NUP160: variants seen among roughly 807,000 people sequenced by gnomAD.
NUP160 encodes the protein nucleoporin 160.
NUP160 carries 94 observed loss-of-function variants against 196.9 expected under a neutral mutation model. The observed-to-expected ratio is 0.48, with a 90% CI of 0.40 to 0.57. The LOEUF is 0.57. Among genes scored for constraint, NUP160 ranks in the 20% least tolerant of loss-of-function variants. The pLI, the probability that NUP160 is intolerant of heterozygous loss-of-function variation, is 0.00. For synonymous variants in NUP160, 605 were observed against 619.7 expected, an observed-to-expected ratio of 0.98 and a Z score of 0.35; for missense variants, 1,638 against 1,748.3, an observed-to-expected ratio of 0.94 and a Z score of 1.13.
In NUP160 at chr11:47,779,269, A is replaced by T. The variant is rs534106233; in HGVS notation, c.4222-75T>A. 15 of 942,456 alleles carry T rather than the reference A, an allele frequency of 1.6e-5. No homozygotes were observed. In the East Asian group the frequency reaches 3.2e-4, roughly 20 times the overall value. The allele number at this position is 942,456 out of a possible 1,614,324, so 58.4% of individuals were successfully genotyped here. ...AATATTGAAGTTATTAATAACTTTG[A>T]CTTCACCAAGTAGATTCCACCTTAT... On this transcript the variant is annotated intron_variant, in intron 35 of 35. Coordinates refer to ENST00000378460, the Ensembl canonical transcript of NUP160.
chr11:47,823,061 T>G (rs1851896970), intron 7 of NUP160, among the ~76,000 whole-genome samples: 1 of 152,184 alleles, frequency 6.6e-6, no homozygotes, highest in Non-Finnish European at 1.5e-5. Context: ...GCAGCATGAT[T>G]TATAATCCTT....
exon 27 of NUP160, chr11:47,797,823 T>C (rs1790366451): frequency 6.2e-7 from 1 of 1,613,156 alleles, no homozygotes; most frequent in South Asian, 1.1e-5. Flanking sequence ...ATACAGAAGT[T>C]CATAGTAATT....
intron 32 of NUP160, among the ~76,000 whole-genome samples, chr11:47,785,841 T>C (rs1255497716): frequency 6.6e-6 from 1 of 152,242 alleles, no homozygotes; most frequent in Non-Finnish European, 1.5e-5. Flanking sequence ...TTCCAAATTC[T>C]AAAGTGCTAT....
At chr11:47,821,240 AAC>A (rs1565202036) in intron 9 of NUP160, 1 of 152,172 alleles carries the variant, frequency 6.6e-6, no homozygotes, top group African/African-American at 2.4e-5. Context: ...TGTAAAAAAT[AAC>A]ACAAAATGCA....
chr11:47,839,883 C>A, exon 4 of NUP160: 14 of 1,614,092 alleles, frequency 8.7e-6, no homozygotes, highest in Non-Finnish European at 1.2e-5. Context: ...CAAAGATTCC[C>A]CCAGAAGCAC....
chr11:47,788,124 G>C, intron 31 of NUP160, 58 bp downstream of exon 31: 1 of 1,441,986 alleles, frequency 6.9e-7, no homozygotes, highest in South Asian at 1.2e-5. Context: ...TTCACACTGA[G>C]CAAGAGGATA....
intron 29 of NUP160, among the ~76,000 whole-genome samples, chr11:47,790,102 C>T (rs1178705511): frequency 6.6e-6 from 1 of 151,808 alleles, no homozygotes; most frequent in Non-Finnish European, 1.5e-5. Context: ...TGCGCCACCA[C>T]GCCCAGCTAA....
intron 34 of NUP160, 149 bp downstream of exon 34, chr11:47,782,924 G>C: frequency 1.4e-6 from 1 of 690,194 alleles, no homozygotes; most frequent in Non-Finnish European, 2.4e-6. Flanking sequence ...CTCCCAAAGT[G>C]CTGGGATTAT....
At chr11:47,799,464 G>A (rs1443360544) in intron 23 of NUP160, among the ~76,000 whole-genome samples, 3 of 152,000 alleles carry the variant, frequency 2.0e-5, no homozygotes, top group Non-Finnish European at 4.4e-5. Flanking sequence ...TCTCATATAC[G>A]TGCAATTCTC....
At chr11:47,801,837 T>C (rs2097674339) in exon 23 of NUP160, 1 of 1,613,414 alleles carries the variant, frequency 6.2e-7, no homozygotes, top group East Asian at 2.2e-5. Flanking sequence ...AGCCTGGGGG[T>C]AGACACGATC....
At chr11:47,807,210 T>G in intron 18 of NUP160, 70 bp from the exon 19 acceptor site, 2 of 918,382 alleles carry the variant, frequency 2.2e-6, no homozygotes, top group South Asian at 2.9e-5. Context: ...CAAGCTCTTC[T>G]ACGAAGAACA....
exon 2 of NUP160, chr11:47,847,890 C>T: frequency 6.2e-7 from 1 of 1,614,134 alleles, no homozygotes; most frequent in Non-Finnish European, 8.5e-7. Context: ...CAACTTGCCA[C>T]TCTCCACGTA....
At position 47,839,471 on chromosome 11, in the gene NUP160, A is replaced by G. The variant is rs530951756; in HGVS notation, c.748+372T>C. The G allele has an allele frequency of 1.2e-4, 29 of 234,270 alleles. No individual in the cohort carries two copies. In the South Asian group the frequency reaches 1.7e-3, roughly 14 times the overall value. The allele number at this position is 234,270 out of a possible 1,614,324, so 14.5% of individuals were successfully genotyped here. On this transcript the variant is annotated intron_variant, in intron 4 of 35. Coordinates refer to ENST00000378460, the Ensembl canonical transcript of NUP160. ...GATCTGGGGAGATATATAGAAAGCT[A>G]ATACAATAATCCAGGCAAGACACAG...
In NUP160 at chr11:47,835,659, G is replaced by A. The variant is rs1475321521; in HGVS notation, c.1093C>T (p.Arg365Ter). The A allele has an allele frequency of 6.3e-7, 1 of 1,579,854 alleles. No homozygotes were observed. Among genetic ancestry groups the A allele is most frequent in the Non-Finnish European group, 8.6e-7 (1 of 1,164,304 alleles). Residue 365 changes from arginine to a stop codon, truncating the protein, a stop_gained, in exon 7 of 36, where the codon CGA becomes TGA. Transcript: ENST00000378460. LOFTEE classifies it high-confidence loss of function. ...TCTTATTTGTTTCATACCTGTCCTC[G>A]TTTTGGTGCATGCATGTATATCCCC...
intron 9 of NUP160, chr11:47,820,167 T>C (rs1369257978): frequency 1.3e-5 from 2 of 152,242 alleles, no homozygotes; most frequent in African/African-American, 2.4e-5. Flanking sequence ...TTTCAGGGGT[T>C]AGACAAGTCT....
chr11:47,793,269 G>A (rs1421011190), intron 27 of NUP160, among the ~76,000 whole-genome samples: 8 of 152,304 alleles, frequency 5.3e-5, no homozygotes, highest in Admixed American at 5.2e-4. Context: ...ACAGGTGTGA[G>A]CCACCACACC....
intron 6 of NUP160, among the ~76,000 whole-genome samples, chr11:47,836,409 A>G (rs1852176653): frequency 6.6e-6 from 1 of 152,148 alleles, no homozygotes; most frequent in African/African-American, 2.4e-5. Flanking sequence ...TTGCTCTTAA[A>G]TGAAAGGTCC....
At chr11:47,847,812 A>T (rs1374565751) in intron 2 of NUP160, 36 bp downstream of exon 2, 1 of 1,447,444 alleles carries the variant, frequency 6.9e-7, no homozygotes, top group Non-Finnish European at 9.7e-7. Context: ...ACCAAACCCT[A>T]CCTTCCAGGG....
intron 27 of NUP160, chr11:47,796,524 G>C (rs1459410575): frequency 1.2e-5 from 3 of 259,014 alleles, no homozygotes; most frequent in Non-Finnish European, 2.2e-5. Context: ...GGAAGGAAGG[G>C]GGAAGAAAGG....
Sources: allele counts gnomAD v4.1 joint callset (sites outside exome capture counted in the v4.1 genomes callset), GRCh38; gene constraint gnomAD v4.1.1; transcripts MANE v1.5; gene names NCBI Gene and HGNC (gene_info 2026-07-23, HGNC 2026-07-21).